GRIA1: variants seen among roughly 807,000 people sequenced by gnomAD.
GRIA1 encodes the protein glutamate receptor 1.
Under a neutral mutation model 99.2 loss-of-function variants are expected in GRIA1, and 31 were observed. That is an observed-to-expected ratio of 0.31 (90% CI 0.23 to 0.42). The LOEUF is 0.42. Ranked by LOEUF, GRIA1 falls within the 10% of genes least tolerant of loss-of-function variation. GRIA1 has a pLI of 1.00. For missense variants in GRIA1, 782 were observed against 1,157.5 expected (o/e 0.68, Z 4.71); for synonymous variants, 438 against 432.4 (o/e 1.01, Z -0.16).
At chr5:153,707,110 C>T (rs1235330337) in intron 11 of GRIA1, among the ~76,000 whole-genome samples, 1 of 151,820 alleles carries the variant, frequency 6.6e-6, no homozygotes, top group Non-Finnish European at 1.5e-5. Flanking sequence ...CAGAGTGAGA[C>T]TCTGTCTTTA....
At chr5:153,492,110 G>A (rs372707457) in intron 1 of GRIA1, 1 of 1,417,668 alleles carries the variant, frequency 7.1e-7, no homozygotes, top group Admixed American at 2.4e-5. Flanking sequence ...GCTCCACTAG[G>A]GAAAGTTCGC....
chr5:153,624,263 G>T (rs762675091), intron 2 of GRIA1, among the ~76,000 whole-genome samples: 13 of 152,242 alleles, frequency 8.5e-5, no homozygotes, highest in Non-Finnish European at 1.6e-4. Context: ...TCCCCAGGAA[G>T]AATGTTGTGA....
At chr5:153,563,380 TTTCG>T (rs1386646942) in intron 2 of GRIA1, among the ~76,000 whole-genome samples, 3 of 152,182 alleles carry the variant, frequency 2.0e-5, no homozygotes, top group Non-Finnish European at 2.9e-5. Flanking sequence ...ACACCAATTG[TTTCG>T]TTCTCTAAGT....
At chr5:153,800,127 T>C (rs1348347686) in intron 14 of GRIA1, among the ~76,000 whole-genome samples, 1 of 152,172 alleles carries the variant, frequency 6.6e-6, no homozygotes, top group Non-Finnish European at 1.5e-5. Flanking sequence ...GATCAGCTCA[T>C]GAAGTCAGCA....
intron 13 of GRIA1, among the ~76,000 whole-genome samples, chr5:153,780,043 AC>A (rs1157966164): frequency 3.3e-5 from 5 of 152,226 alleles, no homozygotes; most frequent in Admixed American, 6.5e-5. Context: ...TGATTTGCCC[AC>A]TGAAGCACTG....
rs1554129703 is a variant in GRIA1, at chr5:153,799,088, CCT to C, written c.2386-3267_2386-3266del. Among the ~76,000 whole-genome samples, 11 of 152,238 alleles carry C rather than the reference CCT, an allele frequency of 7.2e-5. 1 individual carries two copies. The highest frequency in any genetic ancestry group is 1.2e-4 in the African/African-American group (5 of 41,554). On this transcript the variant is annotated intron_variant, in intron 14 of 15. Transcript: ENST00000285900. Reference sequence around the variant, plus strand: ...GTGAATTGTGACTTTTCCACCCCCCCCTGACAAGCTGCCTAGCTTTTCTGGTG... The same window carrying C: ...GTGAATTGTGACTTTTCCACCCCCCCGACAAGCTGCCTAGCTTTTCTGGTG...
chr5:153,493,870 T>C, intron 1 of GRIA1, 58 bp from the exon 2 acceptor site: 1 of 1,584,530 alleles, frequency 6.3e-7, no homozygotes, highest in Non-Finnish European at 8.7e-7. Flanking sequence ...GAGTGAGTCG[T>C]GAGGAACTAA....
At chr5:153,530,088 C>T (rs1056641618) in intron 2 of GRIA1, among the ~76,000 whole-genome samples, 25 of 152,164 alleles carry the variant, frequency 1.6e-4, no homozygotes, top group African/African-American at 4.8e-5. Flanking sequence ...GTGCTGTGCC[C>T]AGCTCTGCGG....
chr5:153,647,177 G>A lies in GRIA1; in HGVS notation c.460+10G>A. The A allele has an allele frequency of 1.2e-6, 2 of 1,611,542 alleles. No individual in the cohort carries two copies. Among genetic ancestry groups the A allele is most frequent in the Non-Finnish European group, 1.7e-6 (2 of 1,178,048 alleles). On this transcript the variant is annotated intron_variant, in intron 3 of 15. Transcript: ENST00000285900. ...TATGATGCCGACCGGGGTAAGCCAA[G>A]GGTTAGGGGAGGGAGACTTTTGAGG... is the stretch of plus-strand genomic sequence containing the variant.
chr5:153,639,356 T>C (rs1029145565), intron 2 of GRIA1, among the ~76,000 whole-genome samples: 1 of 152,222 alleles, frequency 6.6e-6, no homozygotes, highest in Non-Finnish European at 1.5e-5. Context: ...CACCTGCATC[T>C]CTACTGCTTT....
intron 2 of GRIA1, among the ~76,000 whole-genome samples, chr5:153,543,062 T>C (rs550356582): frequency 4.1e-4 from 62 of 152,190 alleles, no homozygotes; most frequent in Non-Finnish European, 8.2e-4. Flanking sequence ...AACTAGTAAA[T>C]GTTTTGCCTT....
chr5:153,683,558 C>A (rs2149493975), intron 7 of GRIA1, among the ~76,000 whole-genome samples: 1 of 152,270 alleles, frequency 6.6e-6, no homozygotes, highest in East Asian at 1.9e-4. Flanking sequence ...GCAAGGGGTC[C>A]TTGGGTCACT....
intron 8 of GRIA1, among the ~76,000 whole-genome samples, chr5:153,696,671 T>C (rs986487918): frequency 2.0e-4 from 30 of 152,252 alleles, no homozygotes; most frequent in Non-Finnish European, 2.5e-4. Context: ...TTTGTGAGCC[T>C]ATGCTGAGTT....
chr5:153,727,454 G>T (rs1341303692), intron 11 of GRIA1, among the ~76,000 whole-genome samples: 7 of 152,100 alleles, frequency 4.6e-5, no homozygotes, highest in Non-Finnish European at 7.4e-5. Flanking sequence ...TTGTCCCTGT[G>T]TGCAGATGAC....
chr5:153,523,766 C>G (rs1757367930), intron 2 of GRIA1, among the ~76,000 whole-genome samples: 1 of 152,178 alleles, frequency 6.6e-6, no homozygotes, highest in African/African-American at 2.4e-5. Context: ...CTGTCCTCAT[C>G]ATAGCTGTGT....
At chr5:153,805,619 C>G (rs1262006853) in intron 15 of GRIA1, among the ~76,000 whole-genome samples, 1 of 152,138 alleles carries the variant, frequency 6.6e-6, no homozygotes, top group Non-Finnish European at 1.5e-5. Flanking sequence ...CAGTGACTCC[C>G]AATAATCATA....
At chr5:153,520,260 A>G (rs1757015153) in intron 2 of GRIA1, among the ~76,000 whole-genome samples, 4 of 152,158 alleles carry the variant, frequency 2.6e-5, no homozygotes, top group Non-Finnish European at 2.9e-5. Context: ...TTTAGCTTAT[A>G]CATCCTACAG....
At chr5:153,513,153 G>A (rs1756269540) in intron 2 of GRIA1, among the ~76,000 whole-genome samples, 1 of 152,074 alleles carries the variant, frequency 6.6e-6, no homozygotes, top group Non-Finnish European at 1.5e-5. Context: ...TAACACCACT[G>A]GTAATTAAGG....
chr5:153,586,529 G>T (rs1208919918), intron 2 of GRIA1, among the ~76,000 whole-genome samples: 5 of 152,168 alleles, frequency 3.3e-5, no homozygotes, highest in Non-Finnish European at 7.4e-5. Context: ...ATTTAACAAA[G>T]TCACTCCTCT....
Sources: gnomAD v4.1 joint callset for allele counts (sites outside exome capture counted in the v4.1 genomes callset) on GRCh38, gnomAD v4.1.1 for gene constraint, MANE v1.5 for transcripts, NCBI Gene and HGNC (gene_info 2026-07-23, HGNC 2026-07-21) for gene names.